ZBTB20: variants seen among roughly 807,000 people sequenced by gnomAD.
ZBTB20 encodes the protein zinc finger and BTB domain containing 20.
Under a neutral mutation model 56.9 loss-of-function variants are expected in ZBTB20, and 9 were observed. That is an observed-to-expected ratio of 0.16 (90% CI 0.10 to 0.28). The LOEUF is 0.28. ZBTB20 is among the 10% of genes least tolerant of loss of function. ZBTB20 has a pLI of 1.00. For synonymous variants in ZBTB20, 417 were observed against 420.7 expected (o/e 0.99, Z 0.11); for missense variants, 655 against 1,003.0 (o/e 0.65, Z 4.69).
chr3:114,535,547 A>G (rs2048360461), intron 6 of ZBTB20, among the ~76,000 whole-genome samples: 1 of 152,206 alleles, frequency 6.6e-6, no homozygotes, highest in African/African-American at 2.4e-5. Flanking sequence ...TTCACAGCTG[A>G]ATTCTATCAG....
intron 4 of ZBTB20, among the ~76,000 whole-genome samples, chr3:114,863,038 C>A (rs1265315208): frequency 6.6e-6 from 1 of 152,092 alleles, no homozygotes; most frequent in Non-Finnish European, 1.5e-5. Flanking sequence ...TCTTCATATA[C>A]AATGCAATTA....
intron 11 of ZBTB20, among the ~76,000 whole-genome samples, chr3:114,348,293 A>G (rs1206681115): frequency 6.6e-6 from 1 of 152,184 alleles, no homozygotes; most frequent in Non-Finnish European, 1.5e-5. Flanking sequence ...CCCCTCCCCC[A>G]TGTTCCTTAA....
chr3:114,515,704 T>C (rs1017739609), intron 6 of ZBTB20, among the ~76,000 whole-genome samples: 1 of 152,144 alleles, frequency 6.6e-6, no homozygotes, highest in African/African-American at 2.4e-5. Flanking sequence ...CACCAATGAA[T>C]CCGCCTGTAA....
At chr3:114,468,477 A>G (rs1335254256) in intron 7 of ZBTB20, among the ~76,000 whole-genome samples, 2 of 152,126 alleles carry the variant, frequency 1.3e-5, no homozygotes, top group Non-Finnish European at 2.9e-5. Context: ...CTCTTTTTCT[A>G]TATGTATGAA....
At chr3:114,578,543 A>C (rs1263103282) in intron 6 of ZBTB20, among the ~76,000 whole-genome samples, 3 of 151,986 alleles carry the variant, frequency 2.0e-5, no homozygotes, top group African/African-American at 7.2e-5. Context: ...TTTAGGATAT[A>C]GAATAACTTT....
intron 6 of ZBTB20, among the ~76,000 whole-genome samples, chr3:114,513,926 A>G (rs2045686528): frequency 6.6e-6 from 1 of 152,128 alleles, no homozygotes; most frequent in South Asian, 2.1e-4. Flanking sequence ...AGACAAAAAA[A>G]AAAAAGAATT....
intron 5 of ZBTB20, among the ~76,000 whole-genome samples, chr3:114,730,146 C>T (rs1484016580): frequency 1.3e-5 from 2 of 151,702 alleles, no homozygotes; most frequent in Non-Finnish European, 2.9e-5. Flanking sequence ...TAGCAGAGTC[C>T]ATTAAAATTA....
At chr3:115,105,247 G>A (rs2083687490) in intron 1 of ZBTB20, among the ~76,000 whole-genome samples, 1 of 150,236 alleles carries the variant, frequency 6.7e-6, no homozygotes, top group South Asian at 2.1e-4. Flanking sequence ...ACTGTTCTAA[G>A]TACTTTTTAT....
At chr3:114,766,596 G>A (rs548754257) in intron 5 of ZBTB20, among the ~76,000 whole-genome samples, 3 of 150,984 alleles carry the variant, frequency 2.0e-5, no homozygotes, top group East Asian at 3.9e-4. Context: ...AAGTTATAGC[G>A]TTATACAATG....
intron 6 of ZBTB20, among the ~76,000 whole-genome samples, chr3:114,526,822 C>T (rs2047272032): frequency 6.6e-6 from 1 of 152,092 alleles, no homozygotes; most frequent in African/African-American, 2.4e-5. Flanking sequence ...GCAAAAGCAG[C>T]AAAATAAGAG....
intron 6 of ZBTB20, among the ~76,000 whole-genome samples, chr3:114,530,666 T>C (rs1236095857): frequency 2.0e-5 from 3 of 152,210 alleles, no homozygotes; most frequent in South Asian, 2.1e-4. Context: ...GTTTTTAACA[T>C]CATTACCACC....
intron 6 of ZBTB20, among the ~76,000 whole-genome samples, chr3:114,644,706 G>A (rs1222014505): frequency 6.6e-6 from 1 of 152,092 alleles, no homozygotes; most frequent in African/African-American, 2.4e-5. Flanking sequence ...ATAGGAATTA[G>A]GGTGGGATTC....
chr3:114,739,640 T>C (rs1334802614), intron 5 of ZBTB20, among the ~76,000 whole-genome samples: 1 of 152,238 alleles, frequency 6.6e-6, no homozygotes, highest in African/African-American at 2.4e-5. Flanking sequence ...CTGTATATAA[T>C]ATTGAACACT....
chr3:115,035,911 A>G (rs1289248593), intron 2 of ZBTB20, among the ~76,000 whole-genome samples: 1 of 152,136 alleles, frequency 6.6e-6, no homozygotes, highest in Non-Finnish European at 1.5e-5. Context: ...GGAAATTGTG[A>G]CATATGCTAC....
At chr3:114,388,532 G>C (rs1303418812) in intron 8 of ZBTB20, 1 of 152,528 alleles carries the variant, frequency 6.6e-6, no homozygotes, top group Non-Finnish European at 1.5e-5. Flanking sequence ...AGCTCCAAGG[G>C]AAGGGCAGCA....
rs548390642 is a variant in ZBTB20 at position 114,604,708 on chromosome 3, G to A, written c.-295+88820C>T. ...AACTTGGCAGTTTGGTCCAAATGGC[G>A]TCTTTGGAGCAAAAAATGATTCAGG... On this transcript the variant is annotated intron_variant, in intron 6 of 11. Coordinates refer to ENST00000675478, the MANE Select transcript of ZBTB20 (RefSeq NM_001348800.3). 3.9e-5 allele frequency among the ~76,000 whole-genome samples: 6 copies of A among 152,040 alleles called. No individual in the cohort carries two copies. The South Asian group carries it at 1.0e-3, about 26-fold the overall frequency.
At chr3:114,616,128 T>G (rs2057924737) in intron 6 of ZBTB20, among the ~76,000 whole-genome samples, 1 of 152,232 alleles carries the variant, frequency 6.6e-6, no homozygotes, top group African/African-American at 2.4e-5. Flanking sequence ...ACGCATGCCC[T>G]GATGTGAACT....
At chr3:114,801,495 T>C (rs533542234) in intron 4 of ZBTB20, among the ~76,000 whole-genome samples, 1 of 151,660 alleles carries the variant, frequency 6.6e-6, no homozygotes, top group South Asian at 2.1e-4. Context: ...ATTTTAGCTA[T>C]ATTCTGATTA....
chr3:114,330,024 G>A lies in ZBTB20; in HGVS notation c.*8981C>T, dbSNP rs1302666086. 2 of 152,068 alleles carry A rather than the reference G, an allele frequency of 1.3e-5. No homozygotes were observed. Among genetic ancestry groups the A allele is most frequent in the Admixed American group, 6.5e-5 (1 of 15,272 alleles). 9.4% of individuals were successfully genotyped at this position (152,068 alleles called of 1,614,324 possible). A position where few individuals can be genotyped will look rare whatever the true frequency, so the allele number is the denominator to read the frequency against. On this transcript the variant is annotated 3_prime_UTR_variant, in exon 12 of 12. Coordinates refer to ENST00000675478, the MANE Select transcript of ZBTB20 (RefSeq NM_001348800.3). ...AATATAGACAGTGACAGTCCTACAG[G>A]GGAAAATCACAGATACATTCATATG...
Sources: allele counts gnomAD v4.1 joint callset (sites outside exome capture counted in the v4.1 genomes callset), GRCh38; gene constraint gnomAD v4.1.1; transcripts MANE v1.5; gene names NCBI Gene and HGNC (gene_info 2026-07-23, HGNC 2026-07-21).